The following LZTFL1 variants were observed in gnomAD, a reference collection of about 807,000 sequenced individuals.
The protein encoded by LZTFL1 is leucine zipper transcription factor like 1.
LZTFL1 carries 25 observed loss-of-function variants against 45.9 expected under a neutral mutation model. That is an observed-to-expected ratio of 0.54 (90% CI 0.40 to 0.76). LZTFL1 has a LOEUF of 0.76. LZTFL1 is among the 30% of genes least tolerant of loss of function. The probability of loss-of-function intolerance (pLI) is 0.00; values close to 1 mark genes in which losing one functional copy is unlikely to be tolerated. For synonymous variants in LZTFL1, 93 were observed against 117.4 expected, an observed-to-expected ratio of 0.79 and a Z score of 1.35; for missense variants, 277 against 331.1, an observed-to-expected ratio of 0.84 and a Z score of 1.27.
chr3:45,853,001 T>C (rs945951435), intron 4 of LZTFL1, among the ~76,000 whole-genome samples: 1 of 152,244 alleles, frequency 6.6e-6, no homozygotes, highest in Non-Finnish European at 1.5e-5. Flanking sequence ...GATACTTTCA[T>C]TTTGGTTGCA....
chr3:45,856,452 T>C (rs1410145981), intron 3 of LZTFL1, among the ~76,000 whole-genome samples: 1 of 151,948 alleles, frequency 6.6e-6, no homozygotes, highest in Non-Finnish European at 1.5e-5. Context: ...ATCTAGGCAA[T>C]ACCATTCAGG....
In LZTFL1 at chr3:45,901,491, A is replaced by G. The variant is rs756940037; in HGVS notation, c.-215+11629T>C. 2.5e-6 allele frequency: 4 copies of G among 1,614,148 alleles called. No individual in the cohort carries two copies. In the Admixed American group the frequency reaches 6.7e-5, roughly 27 times the overall value. On this transcript the variant is annotated intron_variant, in intron 2 of 4. Coordinates refer to the LZTFL1 transcript ENST00000472635. This position sits in a 1 kb window ranked among gnomAD's most constrained non-coding sequence, Gnocchi z 4.3. ...CTTCGTGGTCATGGCTTGCTGCTAT[A>G]CCATCATCATTCACACCCTGATACA...
chr3:45,872,111 C>G (rs1701679793), intron 2 of LZTFL1, among the ~76,000 whole-genome samples: 1 of 152,088 alleles, frequency 6.6e-6, no homozygotes, highest in Non-Finnish European at 1.5e-5. Flanking sequence ...TTTATCGCCA[C>G]AGTGCATCTC....
intron 3 of LZTFL1, 48 bp downstream of exon 3, chr3:45,835,542 T>G (rs1487361827): frequency 2.6e-6 from 4 of 1,545,534 alleles, no homozygotes; most frequent in African/African-American, 1.4e-5. Context: ...ACTTTTAAGA[T>G]TATGCTTGGG....
Position 45,901,471 on chromosome 3 carries a change from T to A in LZTFL1, c.-215+11649A>T. On this transcript the variant is annotated intron_variant, in intron 2 of 4. Transcript: ENST00000472635. The surrounding 1 kb of genome is among the most constrained non-coding windows in gnomAD (Gnocchi z 4.3). ...ATTCTGGGGTTCTTCCTTCCCTTCG[T>A]GGTCATGGCTTGCTGCTATACCATC... The A allele has an allele frequency of 6.2e-7, 1 of 1,614,200 alleles. No individual in the cohort carries two copies. The highest frequency in any genetic ancestry group is 8.5e-7 in the Non-Finnish European group (1 of 1,180,030).
chr3:45,854,647 T>C (rs1276426186), intron 4 of LZTFL1: 1 of 171,554 alleles, frequency 5.8e-6, no homozygotes, highest in African/African-American at 2.4e-5. Flanking sequence ...CTTACAGGTA[T>C]TCTCCAAGTG....
chr3:45,876,981 T>C (rs1469955771), intron 2 of LZTFL1, among the ~76,000 whole-genome samples: 1 of 152,014 alleles, frequency 6.6e-6, no homozygotes, highest in Non-Finnish European at 1.5e-5. Flanking sequence ...ACAGCAGGGA[T>C]GGAAGCCGAG....
In LZTFL1 at chr3:45,887,964, T is replaced by C. The variant is rs564321791; in HGVS notation, c.-215+25156A>G. 3.3e-5 allele frequency among the ~76,000 whole-genome samples: 5 copies of C among 152,342 alleles called. No homozygotes were observed. In the South Asian group the frequency reaches 6.2e-4, roughly 19 times the overall value. ...AGTAAGGACCTGCATTCCTGACTCA[T>C]GTTAGTATCTGATTTGATGTTAGTG... On this transcript the variant is annotated intron_variant, in intron 2 of 4. Transcript: ENST00000472635.
intron 3 of LZTFL1, among the ~76,000 whole-genome samples, chr3:45,858,106 A>C (rs1475564779): frequency 6.6e-6 from 1 of 152,218 alleles, no homozygotes; most frequent in South Asian, 2.1e-4. Context: ...TCCTTTACAC[A>C]TTCAATTTTC....
chr3:45,859,797 C>T (rs766103494), intron 2 of LZTFL1, among the ~76,000 whole-genome samples: 34 of 152,060 alleles, frequency 2.2e-4, no homozygotes, highest in Admixed American at 9.8e-4. Flanking sequence ...CCACCACACC[C>T]GGCTAATTTT....
intron 4 of LZTFL1, 38 bp downstream of exon 4, chr3:45,834,200 G>A (rs1219936919): frequency 2.5e-6 from 3 of 1,183,402 alleles, no homozygotes; most frequent in Non-Finnish European, 2.5e-6. Flanking sequence ...TTAAATACTG[G>A]CTATTAAGAT....
chr3:45,862,694 A>G (rs541639418), intron 2 of LZTFL1, among the ~76,000 whole-genome samples: 2 of 152,250 alleles, frequency 1.3e-5, no homozygotes, highest in Non-Finnish European at 2.9e-5. Flanking sequence ...GAGGCTTAGA[A>G]GCATCTTAAA....
intron 4 of LZTFL1, chr3:45,854,980 A>G (rs1390413447): frequency 6.6e-7 from 1 of 1,525,736 alleles, no homozygotes; most frequent in South Asian, 1.2e-5. Context: ...GCGCTTGTCA[A>G]CTTACAGAGC....
Position 45,824,061 on chromosome 3 carries a change from CA to C in LZTFL1, c.*2252del, listed in dbSNP as rs1165120910. ...AAAGAGAAAAAATGAACACAAATGTCAAACAGAAGAAAACCCTTTATATTTT... is the reference window on the plus strand; with the variant it reads ...AAAGAGAAAAAATGAACACAAATGTCAACAGAAGAAAACCCTTTATATTTT... On this transcript the variant is annotated 3_prime_UTR_variant, in exon 10 of 10. Transcript: ENST00000296135. 2 of 152,006 alleles carry C rather than the reference CA, an allele frequency of 1.3e-5. No individual in the cohort carries two copies. Among genetic ancestry groups the C allele is most frequent in the African/African-American group, 4.8e-5 (2 of 41,384 alleles). 9.4% of individuals were successfully genotyped at this position (152,006 alleles called of 1,614,324 possible). A position where few individuals can be genotyped will look rare whatever the true frequency, so the allele number is the denominator to read the frequency against.
chr3:45,827,129 T>C lies in LZTFL1; in HGVS notation c.881+227A>G, dbSNP rs536618753. The C allele has an allele frequency of 1.5e-4, 74 of 503,454 alleles. No homozygotes were observed. In the South Asian group the frequency reaches 1.8e-3, roughly 12 times the overall value. The allele number at this position is 503,454 out of a possible 1,614,324, so 31.2% of individuals were successfully genotyped here. On this transcript the variant is annotated intron_variant, in intron 9 of 9. Coordinates refer to ENST00000296135, the MANE Select transcript of LZTFL1 (RefSeq NM_020347.4). ...ATCCATTGCCAAGAGCAGCTTACTG[T>C]AGGCCTGTGTGAGTCTAAAGGCCTA... is the stretch of plus-strand genomic sequence containing the variant.
At chr3:45,829,871 T>C (rs1415955208) in intron 7 of LZTFL1, among the ~76,000 whole-genome samples, 2 of 152,224 alleles carry the variant, frequency 1.3e-5, no homozygotes, top group Admixed American at 6.5e-5. Context: ...TTCGTGTTTT[T>C]ATAAATCTAT....
chr3:45,835,927 A>G, intron 2 of LZTFL1, 143 bp from the exon 3 acceptor site: 1 of 545,808 alleles, frequency 1.8e-6, no homozygotes, highest in South Asian at 3.2e-5. Flanking sequence ...TATCTTCTTT[A>G]TTAATAAACA....
chr3:45,868,182 T>TAG, intron 2 of LZTFL1, among the ~76,000 whole-genome samples: 1 of 101,732 alleles, frequency 9.8e-6, no homozygotes, highest in Non-Finnish European at 2.1e-5. Flanking sequence ...TAAAAATATA[T>TAG]ATATATATAA....
At chr3:45,857,538 A>G (rs1701413096) in intron 3 of LZTFL1, among the ~76,000 whole-genome samples, 1 of 152,224 alleles carries the variant, frequency 6.6e-6, no homozygotes, top group Non-Finnish European at 1.5e-5. Flanking sequence ...AAATAAAAAC[A>G]AAAGGGATGT....
Sources: gnomAD v4.1 joint callset for allele counts (sites outside exome capture counted in the v4.1 genomes callset) on GRCh38, gnomAD v4.1.1 for gene constraint, Gnocchi (gnomAD v3.1) non-coding constraint, MANE v1.5 for transcripts, NCBI Gene and HGNC (gene_info 2026-07-23, HGNC 2026-07-21) for gene names.